The following ITPR1 variants were observed in gnomAD, a reference collection of about 807,000 sequenced individuals.
The protein encoded by ITPR1 is inositol 1,4,5-trisphosphate receptor type 1, also known as inositol 1,4,5-trisphosphate-gated calcium channel ITPR1.
A neutral mutation model predicts 318.4 loss-of-function variants in ITPR1; 96 were observed. The observed-to-expected ratio is 0.30, with a 90% CI of 0.26 to 0.36. The LOEUF (loss-of-function observed/expected upper bound fraction) is 0.36, where lower values mean the gene tolerates loss of function less well. Ranked by LOEUF, ITPR1 falls within the 10% of genes least tolerant of loss-of-function variation. ITPR1 has a pLI of 1.00. For synonymous variants in ITPR1, 1,312 were observed against 1,289.9 expected (o/e 1.02, Z -0.37); for missense variants, 2,440 against 3,460.2 (o/e 0.71, Z 7.40).
chr3:4,808,059 T>G (rs966249531), intron 55 of ITPR1, among the ~76,000 whole-genome samples: 2 of 152,244 alleles, frequency 1.3e-5, no homozygotes, highest in African/African-American at 4.8e-5. Context: ...CTTCTCTTCA[T>G]CACTTGCAAT....
intron 40 of ITPR1, among the ~76,000 whole-genome samples, chr3:4,722,462 C>T (rs2042230508): frequency 6.6e-6 from 1 of 151,994 alleles, no homozygotes; most frequent in African/African-American, 2.4e-5. Flanking sequence ...GAGGGCTTCA[C>T]CTTTCATGTA....
rs190579623 is a variant in ITPR1, at chr3:4,768,902, T to A, written c.5979+138T>A. ...CCAGCAAGGTTCTTTTTTTTCCTTTTTCTTTTTTCTTTTTTCTTTTTTTTT... is the reference window on the plus strand; with the variant it reads ...CCAGCAAGGTTCTTTTTTTTCCTTTATCTTTTTTCTTTTTTCTTTTTTTTT... On this transcript the variant is annotated intron_variant, in intron 46 of 61. Transcript: ENST00000649015. The A allele has an allele frequency of 3.9e-5, 28 of 717,708 alleles. 1 individual carries two copies. The Admixed American group carries it at 6.0e-4, about 16-fold the overall frequency. The allele number at this position is 717,708 out of a possible 1,614,324, so 44.5% of individuals were successfully genotyped here. A position where few individuals can be genotyped will look rare whatever the true frequency, so the allele number is the denominator to read the frequency against.
At chr3:4,542,421 AC>A (rs2124978164) in intron 4 of ITPR1, among the ~76,000 whole-genome samples, 1 of 152,326 alleles carries the variant, frequency 6.6e-6, no homozygotes, top group African/African-American at 2.4e-5. Flanking sequence ...CCAACTCAAG[AC>A]TATTTAAATC....
At chr3:4,545,365 G>A (rs1020181095) in intron 4 of ITPR1, among the ~76,000 whole-genome samples, 2 of 152,058 alleles carry the variant, frequency 1.3e-5, no homozygotes, top group Non-Finnish European at 2.9e-5. Context: ...GCTCCTGCCT[G>A]TAATTCCAGC....
chr3:4,658,487 A>G (rs1210008571), intron 13 of ITPR1, among the ~76,000 whole-genome samples: 1 of 151,792 alleles, frequency 6.6e-6, no homozygotes, highest in African/African-American at 2.4e-5. Flanking sequence ...GAGAAGTGCT[A>G]TATTTAGGTA....
intron 53 of ITPR1, among the ~76,000 whole-genome samples, chr3:4,796,389 C>G (rs2047901210): frequency 6.6e-6 from 1 of 151,982 alleles, no homozygotes; most frequent in African/African-American, 2.4e-5. Flanking sequence ...AAGGTTTTCT[C>G]TTTGGGGATG....
At chr3:4,706,431 C>T in intron 37 of ITPR1, 80 bp downstream of exon 37, 1 of 1,293,476 alleles carries the variant, frequency 7.7e-7, no homozygotes, top group Non-Finnish European at 1.1e-6. Flanking sequence ...CCTTGAGCCA[C>T]AGAGCATCTA....
intron 60 of ITPR1, among the ~76,000 whole-genome samples, chr3:4,821,066 A>T (rs1236310586): frequency 6.6e-6 from 1 of 152,212 alleles, no homozygotes; most frequent in Non-Finnish European, 1.5e-5. Context: ...GGGAGGGAAA[A>T]TCAGGTGATC....
intron 4 of ITPR1, among the ~76,000 whole-genome samples, chr3:4,524,615 T>G (rs1034943232): frequency 6.6e-6 from 1 of 152,224 alleles, no homozygotes; most frequent in East Asian, 1.9e-4. Flanking sequence ...GCTTCCATTG[T>G]TTCCTTGCCA....
At chr3:4,503,323 C>T (rs766721893) in intron 2 of ITPR1, among the ~76,000 whole-genome samples, 12 of 152,048 alleles carry the variant, frequency 7.9e-5, no homozygotes, top group East Asian at 1.9e-4. Context: ...ATGGGGACTC[C>T]GCAGTACCGA....
intron 34 of ITPR1, among the ~76,000 whole-genome samples, chr3:4,697,488 G>C (rs866358908): frequency 2.6e-4 from 32 of 123,172 alleles, no homozygotes; most frequent in African/African-American, 8.3e-4. Flanking sequence ...GTCTTGCTCT[G>C]TTACCTAGGC....
At chr3:4,560,491 G>A (rs541573226) in intron 4 of ITPR1, among the ~76,000 whole-genome samples, 14 of 152,134 alleles carry the variant, frequency 9.2e-5, no homozygotes, top group Non-Finnish European at 1.9e-4. Context: ...AAATTGAATA[G>A]TATCTGTTTT....
chr3:4,528,185 C>G (rs1030329152), intron 4 of ITPR1, among the ~76,000 whole-genome samples: 1 of 152,184 alleles, frequency 6.6e-6, no homozygotes, highest in African/African-American at 2.4e-5. Flanking sequence ...GCCTCAGTTT[C>G]CCCATCTGTT....
At chr3:4,838,925 T>G (rs1055790099) in intron 61 of ITPR1, among the ~76,000 whole-genome samples, 3 of 152,278 alleles carry the variant, frequency 2.0e-5, no homozygotes, top group Non-Finnish European at 4.4e-5. Flanking sequence ...AAGAATCTGT[T>G]ATTTTGAATT....
In ITPR1 at chr3:4,811,466, T is replaced by A. The variant is rs1323455469; in HGVS notation, c.7468+6T>A. The A allele has an allele frequency of 6.2e-7, 1 of 1,609,820 alleles. No individual in the cohort carries two copies. Among genetic ancestry groups the A allele is most frequent in the African/African-American group, 1.3e-5 (1 of 74,782 alleles). On this transcript the variant is annotated splice_donor_region_variant and intron_variant, in intron 56 of 61. Transcript: ENST00000649015. ...CAATGAAACAGCTGTTCCAGGTGGG[T>A]TTGGGATCTTCTGATCTTTTTAATG...
chr3:4,709,913 T>G (rs985046680), intron 37 of ITPR1, among the ~76,000 whole-genome samples: 8 of 152,244 alleles, frequency 5.3e-5, no homozygotes, highest in African/African-American at 1.9e-4. Flanking sequence ...AGTAATGTTT[T>G]AATATTTGAT....
chr3:4,653,932 G>C (rs1292858822), intron 12 of ITPR1, 46 bp downstream of exon 12: 2 of 1,382,330 alleles, frequency 1.4e-6, no homozygotes, highest in African/African-American at 2.8e-5. Flanking sequence ...GTAGGGTGCG[G>C]CCAAATGATC....
chr3:4,818,174 G>A lies in ITPR1; in HGVS notation c.7960G>A (p.Val2654Ile), dbSNP rs568805900. ...CATGTGGCACTATCTGTGCTTCATCGTCCTGGTGAAAGTAAAGGACTCCAC... is the reference window on the plus strand; with the variant it reads ...CATGTGGCACTATCTGTGCTTCATCATCCTGGTGAAAGTAAAGGACTCCAC... ...HNMWHYLCFI[V>I]LVKVKDSTEY... Residue 2654 changes from valine (V) to isoleucine (I), a missense_variant, in exon 60 of 62, where the codon GTC becomes ATC. By Grantham distance (29) the Val-to-Ile change is conservative. Around this residue, in one of 23 missense-constraint regions of ITPR1, gnomAD observed 72 missense variants for 197.7 expected, o/e 0.36. Coordinates refer to ENST00000649015, the MANE Select transcript of ITPR1 (RefSeq NM_001378452.1). The A allele has an allele frequency of 3.3e-5, 53 of 1,604,706 alleles. No homozygotes were observed. The highest frequency in any genetic ancestry group is 4.4e-5 in the South Asian group (4 of 90,580).
At chr3:4,720,412 G>T (rs141745186) in intron 40 of ITPR1, among the ~76,000 whole-genome samples, 3 of 152,196 alleles carry the variant, frequency 2.0e-5, no homozygotes, top group African/African-American at 4.8e-5. Context: ...GCTTTCCTAT[G>T]CTTTAAAGTG....
Sources: allele counts gnomAD v4.1 joint callset (sites outside exome capture counted in the v4.1 genomes callset), GRCh38; gene constraint gnomAD v4.1.1; regional missense constraint gnomAD v4.1.1; transcripts MANE v1.5; gene names NCBI Gene and HGNC (gene_info 2026-07-23, HGNC 2026-07-21).